FAM222B: variants seen among roughly 807,000 people sequenced by gnomAD.
FAM222B encodes protein FAM222B.
A neutral mutation model predicts 38.0 loss-of-function variants in FAM222B; 12 were observed. The observed-to-expected ratio is 0.32, with a 90% CI of 0.20 to 0.51. FAM222B has a LOEUF of 0.51. Ranked by LOEUF, FAM222B falls within the 20% of genes least tolerant of loss-of-function variation. The probability of loss-of-function intolerance (pLI) is 0.97; values close to 1 mark genes in which losing one functional copy is unlikely to be tolerated. For missense variants in FAM222B, 716 were observed against 754.2 expected (o/e 0.95, Z 0.59); for synonymous variants, 329 against 317.2 (o/e 1.04, Z -0.40).
At position 28,758,421 on chromosome 17, in the gene FAM222B, G is replaced by A. The variant is rs747492416; in HGVS notation, c.1538C>T (p.Thr513Ile). ...PVASQNSLMQ[T>I]VDYLSGDFQQ... Reference sequence around the variant, plus strand: ...GAAATCCCCACTTAGGTAATCCACTGTTTGCATCAAGCTGTTCTGGCTTGC... The same window carrying A: ...GAAATCCCCACTTAGGTAATCCACTATTTGCATCAAGCTGTTCTGGCTTGC... The change falls in exon 3 of 3, where the codon ACA (threonine) becomes ATA (isoleucine). Residue 513 changes from threonine (T) to isoleucine (I), a missense_variant. Physicochemically the swap from Thr to Ile is moderately conservative, Grantham distance 89. Coordinates refer to ENST00000581407, the MANE Select transcript of FAM222B (RefSeq NM_001077498.3). 26 of 1,613,836 alleles carry A rather than the reference G, an allele frequency of 1.6e-5. No homozygotes were observed. The highest frequency in any genetic ancestry group is 1.9e-5 in the Non-Finnish European group (22 of 1,179,892).
chr17:28,847,505 T>C (rs11650788), upstream of FAM222B, among the ~76,000 whole-genome samples: 1 of 150,950 alleles, frequency 6.6e-6, no homozygotes, highest in African/African-American at 2.4e-5. Context: ...AAGGCAGGAC[T>C]ATTGCTTGAA....
intron 1 of FAM222B, among the ~76,000 whole-genome samples, chr17:28,805,954 C>A (rs1395050235): frequency 2.0e-5 from 3 of 152,010 alleles, no homozygotes; most frequent in African/African-American, 7.2e-5. Flanking sequence ...CCAGCCTGAC[C>A]AACATGGAGA....
intron 1 of FAM222B, among the ~76,000 whole-genome samples, chr17:28,838,148 C>T (rs1369438835): frequency 1.3e-5 from 2 of 152,020 alleles, no homozygotes; most frequent in African/African-American, 4.8e-5. Flanking sequence ...GCCTGTAATC[C>T]CAGCTACTCA....
chr17:28,766,005 A>T (rs1193144262), intron 2 of FAM222B, among the ~76,000 whole-genome samples: 2 of 152,214 alleles, frequency 1.3e-5, no homozygotes, highest in Non-Finnish European at 2.9e-5. Context: ...GTGAGTTTTC[A>T]TTCAATTCCC....
intron 1 of FAM222B, among the ~76,000 whole-genome samples, chr17:28,840,902 A>G (rs1367610600): frequency 6.6e-6 from 1 of 150,550 alleles, no homozygotes; most frequent in Non-Finnish European, 1.5e-5. Context: ...CGGAGGTTGC[A>G]GTGAACCAAG....
intron 1 of FAM222B, among the ~76,000 whole-genome samples, chr17:28,818,450 C>G (rs1172130773): frequency 1.3e-5 from 2 of 151,642 alleles, no homozygotes; most frequent in African/African-American, 4.8e-5. Context: ...ATGGCGTGAA[C>G]CTGGGAGGCG....
rs116310531 is a variant in FAM222B at position 28,835,517 on chromosome 17, T to G, written c.-41+7165A>C. On this transcript the variant is annotated intron_variant, in intron 1 of 2. Transcript: ENST00000581407. ...AAAAAGCTTACGATTCAAGCCTAGT[T>G]ATGGCTTACTGGTAGAAAAAAAGAC... 3.6e-3 allele frequency among the ~76,000 whole-genome samples: 555 copies of G among 152,310 alleles called. 1 individual carries two copies. Among genetic ancestry groups the G allele is most frequent in the African/African-American group, 0.013 (535 of 41,582 alleles).
chr17:28,815,921 C>T (rs1011044768), intron 1 of FAM222B, among the ~76,000 whole-genome samples: 1 of 150,228 alleles, frequency 6.7e-6, no homozygotes, highest in Non-Finnish European at 1.5e-5. Context: ...GAGCTGAGAT[C>T]GTGCCACTGC....
At chr17:28,789,782 T>C (rs1271835753) in intron 1 of FAM222B, among the ~76,000 whole-genome samples, 1 of 152,206 alleles carries the variant, frequency 6.6e-6, no homozygotes, top group African/African-American at 2.4e-5. Context: ...ATATATCTTA[T>C]TGTGCAGGAA....
At chr17:28,809,782 T>C (rs777195994) in intron 1 of FAM222B, among the ~76,000 whole-genome samples, 1 of 152,114 alleles carries the variant, frequency 6.6e-6, no homozygotes, top group Non-Finnish European at 1.5e-5. Flanking sequence ...GAGACCAACC[T>C]GGGCAACAGA....
chr17:28,840,394 T>C (rs1025884158), intron 1 of FAM222B, among the ~76,000 whole-genome samples: 2 of 151,796 alleles, frequency 1.3e-5, no homozygotes, highest in Non-Finnish European at 2.9e-5. Flanking sequence ...AAGAACCCAT[T>C]TTCTCTTTCC....
intron 1 of FAM222B, among the ~76,000 whole-genome samples, chr17:28,819,769 C>T (rs1180769055): frequency 6.6e-6 from 1 of 152,152 alleles, no homozygotes; most frequent in Admixed American, 6.6e-5. Context: ...AAGCAAATAA[C>T]AGGGAGTCTT....
intron 1 of FAM222B, among the ~76,000 whole-genome samples, chr17:28,828,991 C>T (rs1361326358): frequency 1.3e-5 from 2 of 152,046 alleles, no homozygotes; most frequent in Admixed American, 6.6e-5. Context: ...CTGCAACCTC[C>T]GACTCCCGGG....
In FAM222B at chr17:28,784,491, TAAAAAAAAAAAAAAAAA is replaced by T. The variant is rs559624246; in HGVS notation, c.-40-17801_-40-17785del. 6.4e-3 allele frequency among the ~76,000 whole-genome samples: 231 copies of T among 36,046 alleles called. 1 individual carries two copies. The highest frequency in any genetic ancestry group is 0.02 in the East Asian group (18 of 914). The allele number at this position is 36,046 out of a possible 152,430, so 23.6% of individuals were successfully genotyped here. ...AACAACAGAGTAAGATCCCCTCTCT[TAAAAAAAAAAAAAAAAA>T]AAAAAAAAAAAAAAAAAAAAAAAGG... On this transcript the variant is annotated intron_variant, in intron 1 of 2. Transcript: ENST00000581407.
chr17:28,838,572 T>A (rs574320965), intron 1 of FAM222B, among the ~76,000 whole-genome samples: 23 of 149,578 alleles, frequency 1.5e-4, no homozygotes, highest in Non-Finnish European at 2.1e-4. Flanking sequence ...AGAGACTCCA[T>A]CTCAAAATAA....
At chr17:28,770,627 G>C (rs969026674) in intron 1 of FAM222B, among the ~76,000 whole-genome samples, 2 of 151,296 alleles carry the variant, frequency 1.3e-5, no homozygotes, top group Non-Finnish European at 2.9e-5. Flanking sequence ...CTGGAGTGCG[G>C]TGGCGCCTTC....
At chr17:28,824,272 C>T (rs1234170923) in intron 1 of FAM222B, among the ~76,000 whole-genome samples, 1 of 151,810 alleles carries the variant, frequency 6.6e-6, no homozygotes, top group African/African-American at 2.4e-5. Context: ...GCAACCTCCA[C>T]CCCCTGGGCT....
At chr17:28,811,980 CTATGCGACCGA>C (rs757932824) in intron 1 of FAM222B, among the ~76,000 whole-genome samples, 5 of 152,016 alleles carry the variant, frequency 3.3e-5, no homozygotes, top group African/African-American at 7.2e-5. Flanking sequence ...GTGCATTTTA[CTATGCGACCGA>C]TATCGACACA....
chr17:28,840,627 G>T (rs1369619319), intron 1 of FAM222B, among the ~76,000 whole-genome samples: 1 of 152,036 alleles, frequency 6.6e-6, no homozygotes, highest in East Asian at 1.9e-4. Flanking sequence ...AGCAGCCAGA[G>T]ACTCCTTTGC....
Sources: allele counts gnomAD v4.1 joint callset (sites outside exome capture counted in the v4.1 genomes callset), GRCh38; gene constraint gnomAD v4.1.1; transcripts MANE v1.5; gene names NCBI Gene and HGNC (gene_info 2026-07-23, HGNC 2026-07-21).